The following DOCK6 variants were observed in gnomAD, a reference collection of about 807,000 sequenced individuals.
DOCK6 encodes the protein dedicator of cytokinesis protein 6.
A neutral mutation model predicts 230.3 loss-of-function variants in DOCK6; 167 were observed. The observed-to-expected ratio is 0.73, with a 90% CI of 0.64 to 0.82. The LOEUF is 0.82. Ranked by LOEUF, DOCK6 falls within the 40% of genes least tolerant of loss-of-function variation. The pLI is 0.00. For synonymous variants in DOCK6, 1,148 were observed against 1,185.0 expected (o/e 0.97, Z 0.64); for missense variants, 2,598 against 2,825.8 (o/e 0.92, Z 1.83).
chr19:11,215,527 C>G, intron 31 of DOCK6, 56 bp from the exon 32 acceptor site: 7 of 1,523,380 alleles, frequency 4.6e-6, no homozygotes, highest in Non-Finnish European at 6.3e-6. Flanking sequence ...CACACGTGAA[C>G]ATCAGGAGAA....
chr19:11,262,264 A>C, intron 1 of DOCK6, 133 bp downstream of exon 1: 1 of 516,146 alleles, frequency 1.9e-6, no homozygotes, highest in Admixed American at 5.6e-5. Flanking sequence ...CCCCGGCCGG[A>C]GGAAGCTGGC....
Position 11,245,830 on chromosome 19 carries a change from A to C in DOCK6, c.855T>G (p.Asp285Glu). 1 of 1,573,508 alleles carries C rather than the reference A, an allele frequency of 6.4e-7. No homozygotes were observed. Residue 285 changes from aspartate (D) to glutamate (E), a missense_variant, in exon 8 of 48, where the codon GAT becomes GAG. Transcript: ENST00000294618. ...EPIFGILALY[D>E]VREKKKISEN... ...CTCCTACCTTCTTTTTCTCCCGCAC[A>C]TCATACAGAGCCAAGATCCCAAAGA...
At chr19:11,261,768 A>T (rs1396788109) in intron 1 of DOCK6, among the ~76,000 whole-genome samples, 1 of 149,086 alleles carries the variant, frequency 6.7e-6, no homozygotes, top group Non-Finnish European at 1.5e-5. Context: ...TCACCCATCC[A>T]TCCCCAGCGC....
In DOCK6 at chr19:11,253,682, C is replaced by T; in HGVS notation, c.89G>A (p.Ser30Asn). 1 of 1,468,510 alleles carries T rather than the reference C, an allele frequency of 6.8e-7. No homozygotes were observed. The highest frequency in any genetic ancestry group is 9.0e-7 in the Non-Finnish European group (1 of 1,116,994). The allele number at this position is 1,468,510 out of a possible 1,614,324, so 91.0% of individuals were successfully genotyped here. Residue 30 changes from serine (S) to asparagine (N), a missense_variant, in exon 2 of 48, where the codon AGT (serine) becomes AAT (asparagine). By Grantham distance (46) the Ser-to-Asn change is conservative. Transcript: ENST00000294618. The part of the protein sequence containing the change: ...EVRKQVSRER[S>N]GSPHSSRRCS... ...GCGCCTGCTGGAGTGGGGGGAGCCA[C>T]TGCGTTCCCGGGACACCTGCTTCCG...
rs374952858 is a variant in DOCK6, at chr19:11,248,127, G to T, written c.745C>A (p.Arg249Ser). 4 of 1,611,186 alleles carry T rather than the reference G, an allele frequency of 2.5e-6. No homozygotes were observed. The highest frequency in any genetic ancestry group is 3.4e-6 in the Non-Finnish European group (4 of 1,178,914). The change falls in exon 7 of 48, where the codon CGC becomes AGC. Residue 249 changes from arginine to serine, a missense_variant. Coordinates refer to ENST00000294618, the MANE Select transcript of DOCK6 (RefSeq NM_020812.4). ...AAGTGCTCGCGGGGTGGCTCTGGGC[G>T]GCTACAGCGTTCCACGGCTTCATCC... ...DEDEAVERCS[R>S]PEPPREHFGQ...
Position 11,220,355 on chromosome 19 carries a change from A to T in DOCK6, c.3550+1496T>A, listed in dbSNP as rs544515608. Among the ~76,000 whole-genome samples, 15 of 152,278 alleles carry T rather than the reference A, an allele frequency of 9.9e-5. No homozygotes were observed. The South Asian group carries it at 2.9e-3, about 29-fold the overall frequency. On this transcript the variant is annotated intron_variant, in intron 28 of 47. Transcript: ENST00000294618. ...CCTAAAAAGTCTCAACAGAGGGAGGAGTTGTCAACAAATATATAGCAGATC... is the reference window on the plus strand; with the variant it reads ...CCTAAAAAGTCTCAACAGAGGGAGGTGTTGTCAACAAATATATAGCAGATC...
At chr19:11,248,306 T>C (rs1197050033) in intron 6 of DOCK6, among the ~76,000 whole-genome samples, 155 bp from the exon 7 acceptor site, 1 of 152,134 alleles carries the variant, frequency 6.6e-6, no homozygotes, top group East Asian at 1.9e-4. Context: ...TTCCCCTGCC[T>C]GGAATGCCCA....
At chr19:11,228,636 T>C (rs1200078946) in intron 23 of DOCK6, among the ~76,000 whole-genome samples, 1 of 149,516 alleles carries the variant, frequency 6.7e-6, no homozygotes, top group Non-Finnish European at 1.5e-5. Context: ...CTCGGCTCAC[T>C]GCAAGCTCCT....
chr19:11,246,639 G>A (rs1276102452), intron 7 of DOCK6, among the ~76,000 whole-genome samples: 2 of 152,048 alleles, frequency 1.3e-5, no homozygotes, highest in Non-Finnish European at 1.5e-5. Context: ...CTGCAACCAC[G>A]GCCCTTGTTC....
intron 24 of DOCK6, among the ~76,000 whole-genome samples, chr19:11,225,775 A>G (rs2079654263): frequency 6.6e-6 from 1 of 151,292 alleles, no homozygotes; most frequent in Admixed American, 6.6e-5. Context: ...TCACGCTTGT[A>G]ATCCCGGCAC....
chr19:11,209,235 C>T, intron 37 of DOCK6, 132 bp from the exon 38 acceptor site: 2 of 1,020,198 alleles, frequency 2.0e-6, no homozygotes, highest in Non-Finnish European at 2.9e-6. Context: ...CTCACCTGTA[C>T]CCCATCCCCT....
Position 11,237,199 on chromosome 19 carries a change from AC to A in DOCK6, c.2073+256del, listed in dbSNP as rs1215305663. The A allele has an allele frequency of 1.3e-5, 8 of 593,470 alleles. No individual in the cohort carries two copies. The East Asian group carries it at 2.1e-4, about 16-fold the overall frequency. The allele number at this position is 593,470 out of a possible 1,614,324, so 36.8% of individuals were successfully genotyped here. The stretch of plus-strand genomic sequence containing the variant: ...CATTCATGGGGAATGATAAGGTACT[AC>A]GAGGGCAGGGGACAGTGATCAGGAA... On this transcript the variant is annotated intron_variant, in intron 18 of 47. Coordinates refer to ENST00000294618, the MANE Select transcript of DOCK6 (RefSeq NM_020812.4).
chr19:11,235,839 A>G, intron 20 of DOCK6, 80 bp from the exon 21 acceptor site: 1 of 1,476,692 alleles, frequency 6.8e-7, no homozygotes, highest in Non-Finnish European at 9.0e-7. Flanking sequence ...TAAAGACATC[A>G]GGATTTGAGG....
At position 11,200,606 on chromosome 19, in the gene DOCK6, T is replaced by C; in HGVS notation, c.5939+110A>G. On this transcript the variant is annotated intron_variant, in intron 46 of 47. Transcript: ENST00000294618. This position sits in a 1 kb window ranked among gnomAD's most constrained non-coding sequence, Gnocchi z 4.3. ...AGGAGGTCAGGTTGGGAGAGTGGACTTAATGGGAATCGGGCAGATGGGGGA... is the reference window on the plus strand; with the variant it reads ...AGGAGGTCAGGTTGGGAGAGTGGACCTAATGGGAATCGGGCAGATGGGGGA... The C allele has an allele frequency of 3.3e-6, 5 of 1,498,010 alleles. No homozygotes were observed. The highest frequency in any genetic ancestry group is 3.6e-6 in the Non-Finnish European group (4 of 1,110,430). 92.8% of individuals were successfully genotyped at this position (1,498,010 alleles called of 1,614,324 possible). A position where few individuals can be genotyped will look rare whatever the true frequency, so the allele number is the denominator to read the frequency against.
intron 1 of DOCK6, among the ~76,000 whole-genome samples, chr19:11,257,937 C>T (rs1568269520): frequency 6.6e-6 from 1 of 151,974 alleles, no homozygotes; most frequent in Non-Finnish European, 1.5e-5. Context: ...TTCTAATAAA[C>T]ACAAATGTAC....
Position 11,227,400 on chromosome 19 carries a change from GA to G in DOCK6, c.2891del (p.Phe964SerfsTer75). The G allele has an allele frequency of 6.2e-7, 1 of 1,613,776 alleles. No homozygotes were observed. Among genetic ancestry groups the G allele is most frequent in the Admixed American group, 1.7e-5 (1 of 59,996 alleles). On this transcript the variant is annotated frameshift_variant, in exon 24 of 48. Coordinates refer to ENST00000294618, the MANE Select transcript of DOCK6 (RefSeq NM_020812.4). LOFTEE classifies it high-confidence loss of function. ...CCACCAAGGCAGTGATGTCGTCCAG[GA>G]AGCGTCCGGGGAAGCGCAGCTTGCG... The part of the protein sequence containing the change: ...TPRKLRFPGR[F>X]LDDITALVGS...
chr19:11,232,223 G>T (rs892069766), intron 22 of DOCK6: 2 of 1,289,454 alleles, frequency 1.6e-6, no homozygotes, highest in Admixed American at 2.3e-5. Context: ...GGCGCCCGCC[G>T]CAGCACAGCC....
Position 11,243,372 on chromosome 19 carries a change from G to A in DOCK6, c.1272C>T (p.Ala424=). 1 of 1,602,134 alleles carries A rather than the reference G, an allele frequency of 6.2e-7. No individual in the cohort carries two copies. The highest frequency in any genetic ancestry group is 8.5e-7 in the Non-Finnish European group (1 of 1,175,034). Residue 424 remains alanine, a synonymous_variant, in exon 12 of 48, where the codon GCC becomes GCT. Transcript: ENST00000294618. The surrounding 1 kb of genome is among the most constrained non-coding windows in gnomAD (Gnocchi z 6.3). ...GCCCCCGACGGCGGCGGTCTGTCCAGGCTGGCCGGCGCTCTAGGGGAGGGA... is the reference window on the plus strand; with the variant it reads ...GCCCCCGACGGCGGCGGTCTGTCCAAGCTGGCCGGCGCTCTAGGGGAGGGA... The part of the protein sequence containing the change: ...DSDSEGERRP[A]WTDRRRRGPQ...
Position 11,200,893 on chromosome 19 carries a change from C to T in DOCK6, c.5832+16G>A. 6.2e-7 allele frequency: 1 copy of T among 1,613,874 alleles called. No individual in the cohort carries two copies. Among genetic ancestry groups the T allele is most frequent in the South Asian group, 1.1e-5 (1 of 91,056 alleles). ...AGTCCCCCGTGCGGCTTGCATCCCCCTTCCACCAGCCGTGCCTGGTTCACG... is the reference window on the plus strand; with the variant it reads ...AGTCCCCCGTGCGGCTTGCATCCCCTTTCCACCAGCCGTGCCTGGTTCACG... On this transcript the variant is annotated intron_variant, in intron 45 of 47. Transcript: ENST00000294618. The surrounding 1 kb of genome is among the most constrained non-coding windows in gnomAD (Gnocchi z 4.3).
Sources: gnomAD v4.1 joint callset for allele counts (sites outside exome capture counted in the v4.1 genomes callset) on GRCh38, gnomAD v4.1.1 for gene constraint, Gnocchi (gnomAD v3.1) non-coding constraint, MANE v1.5 for transcripts, NCBI Gene and HGNC (gene_info 2026-07-23, HGNC 2026-07-21) for gene names.